Variants in KIAA1549 observed in about 807,000 individuals in gnomAD.
KIAA1549 encodes the protein KIAA1549, also known as UPF0606 protein KIAA1549.
Under a neutral mutation model 156.4 loss-of-function variants are expected in KIAA1549, and 70 were observed. The ratio of observed to expected loss-of-function variants is 0.45; its 90% confidence interval spans 0.37 to 0.55. KIAA1549 has a LOEUF of 0.55. KIAA1549 is among the 20% of genes least tolerant of loss of function. The pLI is 0.00. For missense variants in KIAA1549, 2,428 were observed against 2,540.9 expected, an observed-to-expected ratio of 0.96 and a Z score of 0.96; for synonymous variants, 1,103 against 1,066.4, an observed-to-expected ratio of 1.03 and a Z score of -0.67.
At chr7:138,844,672 C>T (rs1413839003) in intron 17 of KIAA1549, among the ~76,000 whole-genome samples, 198 bp from the exon 18 acceptor site, 2 of 152,154 alleles carry the variant, frequency 1.3e-5, no homozygotes, top group Non-Finnish European at 2.9e-5. Context: ...GCCCTACCTC[C>T]AGCACTAGAA....
chr7:138,856,536 A>C (rs1810397690), intron 16 of KIAA1549, among the ~76,000 whole-genome samples: 1 of 152,148 alleles, frequency 6.6e-6, no homozygotes, highest in Non-Finnish European at 1.5e-5. Flanking sequence ...TGTTTCTGAC[A>C]ACCATTCTTC....
At chr7:138,924,182 CTTTTTTTTTTTTCTTTT>C (rs1400520586) in intron 1 of KIAA1549, among the ~76,000 whole-genome samples, 1 of 92,356 alleles carries the variant, frequency 1.1e-5, no homozygotes, top group African/African-American at 5.3e-5. Flanking sequence ...CTTTTCTTTT[CTTTTTTTTTTTTCTTTT>C]TTTTTTTTGG....
In KIAA1549 at chr7:138,911,262, G is replaced by C. The variant is rs760771587; in HGVS notation, c.3029C>G (p.Ala1010Gly). Residue 1010 changes from alanine (A) to glycine (G), a missense_variant, in exon 4 of 20, where the codon GCA becomes GGA. By Grantham distance (60) the Ala-to-Gly change is moderately conservative (BLOSUM62 0). This residue lies in a region of KIAA1549 where 762 missense variants were observed against 901.6 expected (regional missense o/e 0.85). Coordinates refer to ENST00000422774, the MANE Select transcript of KIAA1549 (RefSeq NM_001164665.2). The stretch of plus-strand genomic sequence containing the variant: ...TATAAGCACATTTATGACGGATATT[G>C]CCGTGTAAACGAAAGGACCGGATGT... ...LVTSGPFVYT[A>G]ISVINVLINS... is the part of the protein sequence containing the mutation. 1.2e-5 allele frequency: 20 copies of C among 1,604,174 alleles called. No homozygotes were observed. The highest frequency in any genetic ancestry group is 1.6e-5 in the Non-Finnish European group (19 of 1,174,892).
At chr7:138,916,260 G>C (rs965394431) in intron 2 of KIAA1549, among the ~76,000 whole-genome samples, 4 of 152,206 alleles carry the variant, frequency 2.6e-5, no homozygotes, top group Non-Finnish European at 5.9e-5. Flanking sequence ...TTACATAGTT[G>C]CCCAACTCAT....
At chr7:138,947,266 G>C (rs181811256) in intron 1 of KIAA1549, among the ~76,000 whole-genome samples, 17 of 152,280 alleles carry the variant, frequency 1.1e-4, no homozygotes, top group African/African-American at 3.8e-4. Flanking sequence ...TCTACGTACT[G>C]AATGCCTACT....
chr7:138,915,842 G>A (rs1003196991), intron 2 of KIAA1549, among the ~76,000 whole-genome samples: 3 of 152,196 alleles, frequency 2.0e-5, no homozygotes, highest in Non-Finnish European at 4.4e-5. Flanking sequence ...CACCTGTCAT[G>A]TCTCATGAGG....
In KIAA1549 at chr7:138,969,479, C is replaced by A. The variant is rs539933245; in HGVS notation, c.187+11604G>T. The stretch of plus-strand genomic sequence containing the variant: ...GTCAGAATTTCCTTCCTTTTTAAGG[C>A]TGAACGATATTCCACTGAATGGCTA... On this transcript the variant is annotated intron_variant, in intron 1 of 19. Coordinates refer to ENST00000422774, the MANE Select transcript of KIAA1549 (RefSeq NM_001164665.2). 4.9e-4 allele frequency among the ~76,000 whole-genome samples: 75 copies of A among 152,334 alleles called. 3 individuals carry two copies. In the South Asian group the frequency reaches 0.016, roughly 32 times the overall value.
intron 1 of KIAA1549, among the ~76,000 whole-genome samples, chr7:138,936,668 A>G (rs1458337898): frequency 6.6e-6 from 1 of 152,138 alleles, no homozygotes; most frequent in Non-Finnish European, 1.5e-5. Context: ...CAGCACTTCC[A>G]GCATGACAAG....
In KIAA1549 at chr7:138,960,859, T is replaced by A. The variant is rs17160643; in HGVS notation, c.187+20224A>T. ...TCCGGATTTTCCAAAGAGATCAAACTATTATGAAGCAAAGTCTCCAGGAAC... is the reference window on the plus strand; with the variant it reads ...TCCGGATTTTCCAAAGAGATCAAACAATTATGAAGCAAAGTCTCCAGGAAC... On this transcript the variant is annotated intron_variant, in intron 1 of 19. Coordinates refer to ENST00000422774, the MANE Select transcript of KIAA1549 (RefSeq NM_001164665.2). Among the ~76,000 whole-genome samples, 218 of 152,236 alleles carry A rather than the reference T, an allele frequency of 1.4e-3. 1 individual carries two copies. The highest frequency in any genetic ancestry group is 5.1e-3 in the African/African-American group (212 of 41,514).
intron 1 of KIAA1549, among the ~76,000 whole-genome samples, chr7:138,954,151 C>A (rs983769202): frequency 5.9e-5 from 9 of 152,224 alleles, no homozygotes; most frequent in African/African-American, 2.2e-4. Flanking sequence ...AATAAATATA[C>A]GATGGTAGAC....
rs562227145 is a variant in KIAA1549 at position 138,836,691 on chromosome 7, C to T, written c.*1215G>A. On this transcript the variant is annotated 3_prime_UTR_variant, in exon 20 of 20. Transcript: ENST00000422774. ...GATGATCCCCTCTTAGCCCAAAGAG[C>T]ATAAGACAATTTTAATAGCCACTCG... 9.2e-6 allele frequency: 2 copies of T among 216,386 alleles called. No individual in the cohort carries two copies. The highest frequency in any genetic ancestry group is 3.7e-4 in the South Asian group (2 of 5,380). The allele number at this position is 216,386 out of a possible 1,614,324, so 13.4% of individuals were successfully genotyped here. A position where few individuals can be genotyped will look rare whatever the true frequency, so the allele number is the denominator to read the frequency against.
intron 12 of KIAA1549, among the ~76,000 whole-genome samples, chr7:138,873,478 T>C (rs986220537): frequency 2.6e-5 from 4 of 151,544 alleles, no homozygotes; most frequent in Admixed American, 1.3e-4. Context: ...CCCAGACTTA[T>C]AGAGTAACAA....
intron 1 of KIAA1549, among the ~76,000 whole-genome samples, chr7:138,974,232 A>C (rs529513744): frequency 2.6e-5 from 4 of 152,188 alleles, no homozygotes; most frequent in South Asian, 2.1e-4. Flanking sequence ...TCAGCCAAAA[A>C]ACTAAAGCAG....
chr7:138,861,700 A>G (rs1810589093), intron 15 of KIAA1549, among the ~76,000 whole-genome samples: 1 of 151,476 alleles, frequency 6.6e-6, no homozygotes, highest in Non-Finnish European at 1.5e-5. Context: ...TAAAAAAAAA[A>G]AAAAAGAAAA....
intron 1 of KIAA1549, among the ~76,000 whole-genome samples, chr7:138,935,489 T>G (rs976470126): frequency 5.3e-5 from 8 of 151,906 alleles, no homozygotes; most frequent in African/African-American, 1.9e-4. Context: ...GCAAAAAAAT[T>G]TCTGTCAGCC....
At chr7:138,941,786 G>C (rs1178041166) in intron 1 of KIAA1549, among the ~76,000 whole-genome samples, 1 of 152,180 alleles carries the variant, frequency 6.6e-6, no homozygotes, top group African/African-American at 2.4e-5. Flanking sequence ...GAACTGCCCA[G>C]TCTGCTGCAA....
At chr7:138,862,629 G>A (rs1396853366) in intron 15 of KIAA1549, among the ~76,000 whole-genome samples, 2 of 151,930 alleles carry the variant, frequency 1.3e-5, no homozygotes, top group Non-Finnish European at 2.9e-5. Flanking sequence ...TGGATCACAA[G>A]AGTCATTAAG....
At chr7:138,838,460 G>T (rs1462393423) in intron 19 of KIAA1549, among the ~76,000 whole-genome samples, 1 of 152,132 alleles carries the variant, frequency 6.6e-6, no homozygotes, top group African/African-American at 2.4e-5. Context: ...CTCTGCCCTG[G>T]ACTGGAGCCT....
At chr7:138,940,950 T>C (rs2130522807) in intron 1 of KIAA1549, among the ~76,000 whole-genome samples, 1 of 152,338 alleles carries the variant, frequency 6.6e-6, no homozygotes, top group African/African-American at 2.4e-5. Flanking sequence ...AAAAATTTTC[T>C]CCCATTCTGT....
Sources: gnomAD v4.1 joint callset for allele counts (sites outside exome capture counted in the v4.1 genomes callset) on GRCh38, gnomAD v4.1.1 for gene constraint, gnomAD v4.1.1 regional missense constraint, MANE v1.5 for transcripts, NCBI Gene and HGNC (gene_info 2026-07-23, HGNC 2026-07-21) for gene names.